ZFHX4: variants seen among roughly 807,000 people sequenced by gnomAD.
ZFHX4 encodes the protein zinc finger homeobox 4, also known as zinc finger homeobox protein 4.
ZFHX4 carries 56 observed loss-of-function variants against 267.6 expected under a neutral mutation model. The observed-to-expected ratio is 0.21, with a 90% CI of 0.17 to 0.26. The LOEUF (loss-of-function observed/expected upper bound fraction) is 0.26. Ranked by LOEUF, ZFHX4 falls within the 10% of genes least tolerant of loss-of-function variation. The probability of loss-of-function intolerance (pLI) is 1.00; values close to 1 mark genes in which losing one functional copy is unlikely to be tolerated. For synonymous variants in ZFHX4, 1,778 were observed against 1,665.6 expected, an observed-to-expected ratio of 1.07 and a Z score of -1.64; for missense variants, 4,332 against 4,420.0, an observed-to-expected ratio of 0.98 and a Z score of 0.56.
chr8:76,813,093 A>T (rs890354922), intron 4 of ZFHX4, among the ~76,000 whole-genome samples: 1 of 152,106 alleles, frequency 6.6e-6, no homozygotes, highest in African/African-American at 2.4e-5. Context: ...TAAAAGTAAA[A>T]ATTCTAAAAA....
chr8:76,699,807 A>G (rs765029103), intron 1 of ZFHX4, among the ~76,000 whole-genome samples: 2 of 151,470 alleles, frequency 1.3e-5, no homozygotes, highest in Non-Finnish European at 2.9e-5. Flanking sequence ...ATTTAACAAT[A>G]AGGAATTTAA....
intron 4 of ZFHX4, among the ~76,000 whole-genome samples, chr8:76,795,622 C>T (rs1269494923): frequency 4.0e-5 from 6 of 149,984 alleles, no homozygotes; most frequent in Non-Finnish European, 5.9e-5. Flanking sequence ...TCTCAGCTCA[C>T]CGCAACCTCT....
chr8:76,813,207 C>T (rs729020), intron 4 of ZFHX4, among the ~76,000 whole-genome samples: 5,238 of 152,136 alleles, frequency 0.034, 215 homozygotes, highest in East Asian at 0.19. Flanking sequence ...ACTTAGCAAA[C>T]GATTTGAAAT....
At chr8:76,704,010 A>C in intron 1 of ZFHX4, 33 bp from the exon 2 acceptor site, 2 of 1,367,950 alleles carry the variant, frequency 1.5e-6, no homozygotes, top group Non-Finnish European at 2.0e-6. Context: ...TTATTTAATA[A>C]AAATGGCTTC....
Position 76,864,216 on chromosome 8 carries a change from C to A in ZFHX4, c.10502C>A (p.Thr3501Asn), listed in dbSNP as rs367605628. 1.2e-6 allele frequency: 2 copies of A among 1,613,824 alleles called. No homozygotes were observed. The highest frequency in any genetic ancestry group is 2.7e-5 in the African/African-American group (2 of 74,936). ...TCAGTCTGCTCCCCTAATCCTAACA[C>A]CACATCTACCTCGCAGTCTGCAGCT... The part of the protein sequence containing the change: ...PHSVCSPNPN[T>N]TSTSQSAASS... The change falls in exon 11 of 11, where the codon ACC becomes AAC. Residue 3501 changes from threonine (T) to asparagine (N), a missense_variant. Around this residue, in one of 7 missense-constraint regions of ZFHX4, gnomAD observed 1,648 missense variants for 1,625.0 expected, o/e 1.01. Transcript: ENST00000651372.
chr8:76,799,238 C>T (rs936624678), intron 4 of ZFHX4, among the ~76,000 whole-genome samples: 2 of 152,138 alleles, frequency 1.3e-5, no homozygotes, highest in African/African-American at 4.8e-5. Flanking sequence ...AGTGGTGCCT[C>T]TCCTTCTGTC....
chr8:76,821,457 C>A (rs1328799587), intron 4 of ZFHX4, among the ~76,000 whole-genome samples: 1 of 152,096 alleles, frequency 6.6e-6, no homozygotes, highest in African/African-American at 2.4e-5. Flanking sequence ...AACCTAATGA[C>A]CAATTCCTAG....
intron 1 of ZFHX4, among the ~76,000 whole-genome samples, chr8:76,695,451 A>G (rs1054954568): frequency 2.0e-5 from 3 of 152,252 alleles, no homozygotes; most frequent in Non-Finnish European, 4.4e-5. Context: ...TACTTTTGAC[A>G]TTATGGTAGA....
chr8:76,792,274 TAAAA>T (rs1388039494), intron 4 of ZFHX4, among the ~76,000 whole-genome samples: 4 of 152,090 alleles, frequency 2.6e-5, no homozygotes, highest in African/African-American at 4.8e-5. Flanking sequence ...GGAAGGAGGT[TAAAA>T]AAAGCAAGGA....
At position 76,842,779 on chromosome 8, in the gene ZFHX4, G is replaced by A; in HGVS notation, c.3511+8G>A. 1 of 1,537,018 alleles carries A rather than the reference G, an allele frequency of 6.5e-7. No homozygotes were observed. Among genetic ancestry groups the A allele is most frequent in the Non-Finnish European group, 8.8e-7 (1 of 1,134,498 alleles). The stretch of plus-strand genomic sequence containing the variant: ...ACTCTAATAAAGACTCTGGTAAGAT[G>A]CAAGAATCTTTCACCTCGGCATTTC... On this transcript the variant is annotated splice_region_variant and intron_variant, in intron 6 of 10. Transcript: ENST00000651372.
At position 76,795,832 on chromosome 8, in the gene ZFHX4, A is replaced by C. The variant is rs184947621; in HGVS notation, c.3325+17393A>C. ...ACTAGTCACTGTCTTCCAAGTTGCC[A>C]CAGCTTATTGAATATTTGCATGTTT... On this transcript the variant is annotated intron_variant, in intron 4 of 10. Coordinates refer to ENST00000651372, the MANE Select transcript of ZFHX4 (RefSeq NM_024721.5). 2.0e-3 allele frequency among the ~76,000 whole-genome samples: 306 copies of C among 152,286 alleles called. 1 individual carries two copies. Among genetic ancestry groups the C allele is most frequent in the African/African-American group, 7.1e-3 (293 of 41,560 alleles).
chr8:76,775,435 A>T (rs1810377232), intron 3 of ZFHX4, among the ~76,000 whole-genome samples: 1 of 152,164 alleles, frequency 6.6e-6, no homozygotes, highest in African/African-American at 2.4e-5. Context: ...GTAATTAATG[A>T]CCCTGACTCT....
chr8:76,857,616 A>G (rs1812767541), intron 10 of ZFHX4, among the ~76,000 whole-genome samples: 1 of 151,984 alleles, frequency 6.6e-6, no homozygotes, highest in Non-Finnish European at 1.5e-5. Context: ...CTGGTTTTTG[A>G]GAGAAGCAGA....
chr8:76,738,152 T>C (rs1809214347), intron 3 of ZFHX4, among the ~76,000 whole-genome samples: 1 of 152,178 alleles, frequency 6.6e-6, no homozygotes, highest in Non-Finnish European at 1.5e-5. Flanking sequence ...GTGGCACATG[T>C]ATCCAAAATT....
Position 76,854,071 on chromosome 8 carries a change from G to T in ZFHX4, c.7150G>T (p.Gly2384Cys), listed in dbSNP as rs940140160. ...KNAAAPAASSGSGTSTPLIPS... is the reference protein window; with the variant it reads ...KNAAAPAASSCSGTSTPLIPS... ...CGCTGCTGCCCCTGCAGCAAGTTCT[G>T]GCTCTGGGACCAGCACCCCCCTGAT... Residue 2384 changes from glycine to cysteine, a missense_variant, in exon 10 of 11, where the codon GGC becomes TGC. Gly to Cys is a radical substitution (Grantham distance 159). Coordinates refer to ENST00000651372, the MANE Select transcript of ZFHX4 (RefSeq NM_024721.5). The T allele has an allele frequency of 3.1e-6, 5 of 1,613,918 alleles. No individual in the cohort carries two copies. The highest frequency in any genetic ancestry group is 4.2e-6 in the Non-Finnish European group (5 of 1,179,858).
chr8:76,819,480 A>G (rs1468260068), intron 4 of ZFHX4, among the ~76,000 whole-genome samples: 2 of 152,188 alleles, frequency 1.3e-5, no homozygotes, highest in African/African-American at 4.8e-5. Flanking sequence ...ATGTAAATAT[A>G]AATAAACCCA....
In ZFHX4 at chr8:76,842,685, T is replaced by C; in HGVS notation, c.3425T>C (p.Ile1142Thr). ...CAAAGTGAGGAGGCAGAAGGAGCTATTAAGCCTACAGCAGTGGCCGAGGAC... is the reference window on the plus strand; with the variant it reads ...CAAAGTGAGGAGGCAGAAGGAGCTACTAAGCCTACAGCAGTGGCCGAGGAC... ...EEQSEEAEGA[I>T]KPTAVAEDDE... The change falls in exon 6 of 11, where the codon ATT becomes ACT. Residue 1142 changes from isoleucine to threonine, a missense_variant. Ile to Thr is a moderately conservative substitution (Grantham distance 89). Coordinates refer to ENST00000651372, the MANE Select transcript of ZFHX4 (RefSeq NM_024721.5). 6.4e-7 allele frequency: 1 copy of C among 1,553,472 alleles called. No individual in the cohort carries two copies. The highest frequency in any genetic ancestry group is 8.7e-7 in the Non-Finnish European group (1 of 1,147,990).
chr8:76,797,191 C>T (rs1024812139), intron 4 of ZFHX4, among the ~76,000 whole-genome samples: 5 of 152,074 alleles, frequency 3.3e-5, no homozygotes, highest in Admixed American at 2.6e-4. Context: ...ACACTTTGCT[C>T]AGGTTTAGAA....
At chr8:76,762,152 A>T (rs1050771634) in intron 3 of ZFHX4, among the ~76,000 whole-genome samples, 1 of 152,174 alleles carries the variant, frequency 6.6e-6, no homozygotes, top group African/African-American at 2.4e-5. Flanking sequence ...CACTAGTGCT[A>T]CAAAGAAAGT....
Sources: allele counts gnomAD v4.1 joint callset (sites outside exome capture counted in the v4.1 genomes callset), GRCh38; gene constraint gnomAD v4.1.1; regional missense constraint gnomAD v4.1.1; transcripts MANE v1.5; gene names NCBI Gene and HGNC (gene_info 2026-07-23, HGNC 2026-07-21).